POLD4: variants seen among roughly 807,000 people sequenced by gnomAD.
POLD4 encodes DNA polymerase delta 4, accessory subunit.
POLD4 carries 9 observed loss-of-function variants against 16.5 expected under a neutral mutation model. The observed-to-expected ratio is 0.55, with a 90% CI of 0.33 to 0.95. The LOEUF (loss-of-function observed/expected upper bound fraction) is 0.95, where lower values mean the gene tolerates loss of function less well. Among genes scored for constraint, POLD4 ranks in the 40% least tolerant of loss-of-function variants. POLD4 has a pLI of 0.03. For synonymous variants in POLD4, 62 were observed against 57.6 expected (o/e 1.08, Z -0.35); for missense variants, 129 against 139.7 (o/e 0.92, Z 0.39).
upstream of POLD4, chr11:67,353,550 G>A (rs2134853260): frequency 7.8e-6 from 5 of 642,280 alleles, no homozygotes; most frequent in East Asian, 1.2e-4. Context: ...GAGAGAGGAA[G>A]TCGCCGGGGT....
intron 1 of POLD4, 37 bp downstream of exon 1, chr11:67,353,266 G>A: frequency 6.3e-7 from 1 of 1,593,250 alleles, no homozygotes; most frequent in East Asian, 2.2e-5. Context: ...AGGCCCCTCC[G>A]TGTCCACTCC....
chr11:67,353,576 TC>T, upstream of POLD4: 1 of 584,354 alleles, frequency 1.7e-6, no homozygotes. Flanking sequence ...GAGGGACGCC[TC>T]CCCCACCCCC....
rs757680383 is a variant in POLD4 at position 67,352,703 on chromosome 11, C to T, written c.287G>A (p.Arg96His). ...QVLKTHPGDPRFQCSLWHLYP... is the reference protein window; with the variant it reads ...QVLKTHPGDPHFQCSLWHLYP... The stretch of plus-strand genomic sequence containing the variant: ...GCCTGTCTCTGACCTGCACTGGAAG[C>T]GGGGGTCTCCGGGGTGGGTCTTCAG... The change falls in exon 3 of 4, where the codon CGC becomes CAC. Residue 96 changes from arginine to histidine, a missense_variant. Arg to His is a conservative substitution (Grantham distance 29). Transcript: ENST00000312419. 7.4e-6 allele frequency: 12 copies of T among 1,612,302 alleles called. No individual in the cohort carries two copies. The Admixed American group carries it at 1.0e-4, about 13-fold the overall frequency.
At position 67,353,022 on chromosome 11, in the gene POLD4, C is replaced by CT. The variant is rs1001544985; in HGVS notation, c.152dup (p.Phe52ValfsTer2). ...GCCCGTACTGCCAGGCCAGGTCAAACTGCCTCAGCAGCTCCAGCTCCGCTT... is the reference window on the plus strand; with the variant it reads ...GCCCGTACTGCCAGGCCAGGTCAAACTTGCCTCAGCAGCTCCAGCTCCGCTT... On this transcript the variant is annotated frameshift_variant, in exon 2 of 4. Transcript: ENST00000312419. LOFTEE classifies it high-confidence loss of function. The CT allele has an allele frequency of 6.3e-7, 1 of 1,589,106 alleles. No homozygotes were observed. Among genetic ancestry groups the CT allele is most frequent in the African/African-American group, 1.3e-5 (1 of 74,284 alleles).
At position 67,353,437 on chromosome 11, in the gene POLD4, G is replaced by C; in HGVS notation, c.-38C>G. The C allele has an allele frequency of 1.3e-6, 2 of 1,579,406 alleles. No homozygotes were observed. The highest frequency in any genetic ancestry group is 8.6e-7 in the Non-Finnish European group (1 of 1,157,830). ...GGCAGGCAGAGAAGGAGGCAACTGCGGGGAAGAGGAGAGACCGGCCAGTGG... is the reference window on the plus strand; with the variant it reads ...GGCAGGCAGAGAAGGAGGCAACTGCCGGGAAGAGGAGAGACCGGCCAGTGG... On this transcript the variant is annotated 5_prime_UTR_variant, in exon 1 of 4. Coordinates refer to ENST00000312419, the MANE Select transcript of POLD4 (RefSeq NM_021173.5).
intron 2 of POLD4, 78 bp downstream of exon 2, chr11:67,352,910 C>T: frequency 2.1e-6 from 3 of 1,421,350 alleles, no homozygotes; most frequent in Non-Finnish European, 1.9e-6. Context: ...CAGAGTCACG[C>T]AAGCGCTTGG....
chr11:67,352,644 G>A, intron 3 of POLD4, 47 bp downstream of exon 3: 1 of 1,461,244 alleles, frequency 6.8e-7, no homozygotes, highest in Non-Finnish European at 9.6e-7. Context: ...GACAGTGCCT[G>A]GAGAAGGCCC....
At position 67,352,032 on chromosome 11, in the gene POLD4, G is replaced by T. The variant is rs1281373352; in HGVS notation, c.300-13C>A. 1.3e-6 allele frequency: 2 copies of T among 1,524,826 alleles called. No individual in the cohort carries two copies. The highest frequency in any genetic ancestry group is 1.2e-5 in the South Asian group (1 of 84,958). The allele number at this position is 1,524,826 out of a possible 1,614,324, so 94.5% of individuals were successfully genotyped here. On this transcript the variant is annotated splice_polypyrimidine_tract_variant and intron_variant, in intron 3 of 3. Coordinates refer to ENST00000312419, the MANE Select transcript of POLD4 (RefSeq NM_021173.5). ...GAGATGCCAGAGACTGTGGAAGATG[G>T]GGTGGGAGGGAGGGATACCCCAGAG...
chr11:67,352,858 G>T, intron 2 of POLD4, 56 bp from the exon 3 acceptor site: 2 of 1,459,406 alleles, frequency 1.4e-6, no homozygotes, highest in African/African-American at 1.4e-5. Context: ...TAGAGTCTGA[G>T]CTGGAGAATG....
rs1412957305 is a variant in POLD4, at chr11:67,353,539, CGA to C, written c.-142_-141del. 3 of 691,414 alleles carry C rather than the reference CGA, an allele frequency of 4.3e-6. No homozygotes were observed. Among genetic ancestry groups the C allele is most frequent in the Non-Finnish European group, 7.1e-6 (3 of 423,846 alleles). 42.8% of individuals were successfully genotyped at this position (691,414 alleles called of 1,614,324 possible). On this transcript the variant is annotated 5_prime_UTR_variant, in exon 1 of 4. Coordinates refer to ENST00000312419, the MANE Select transcript of POLD4 (RefSeq NM_021173.5). ...GGCAGACAAGATGACCCAGACAAACCGAGAGAGGAAGTCGCCGGGGTCCAGGG... is the reference window on the plus strand; with the variant it reads ...GGCAGACAAGATGACCCAGACAAACCGAGAGGAAGTCGCCGGGGTCCAGGG...
intron 3 of POLD4, 55 bp downstream of exon 3, chr11:67,352,636 C>A: frequency 7.3e-7 from 1 of 1,367,674 alleles, no homozygotes; most frequent in Non-Finnish European, 1.0e-6. Flanking sequence ...AGCAGGGTGA[C>A]AGTGCCTGGA....
At chr11:67,352,338 G>A in intron 3 of POLD4, 1 of 338,206 alleles carries the variant, frequency 3.0e-6, no homozygotes. Context: ...GTGAAACCCT[G>A]TCTCTACTAA....
At chr11:67,352,251 T>C in intron 3 of POLD4, 2 of 485,086 alleles carry the variant, frequency 4.1e-6, no homozygotes, top group Non-Finnish European at 7.5e-6. Context: ...GGCTCACGCC[T>C]GTAATCCCAG....
rs1030842873 is a variant in POLD4 at position 67,351,161 on chromosome 11, G to A, written c.*834C>T. ...CCTGCTTTGGATCAAGGTGGCCCCC[G>A]ATGTGGGAAGCCAGAGGTGCTTGCT... is the stretch of plus-strand genomic sequence containing the variant. On this transcript the variant is annotated 3_prime_UTR_variant, in exon 4 of 4. Coordinates refer to ENST00000312419, the MANE Select transcript of POLD4 (RefSeq NM_021173.5). The surrounding 1 kb of genome is among the most constrained non-coding windows in gnomAD (Gnocchi z 4.8). The A allele has an allele frequency of 5.3e-5, 8 of 152,338 alleles. No individual in the cohort carries two copies. Among genetic ancestry groups the A allele is most frequent in the East Asian group, 1.9e-4 (1 of 5,204 alleles). The allele number at this position is 152,338 out of a possible 1,614,324, so 9.4% of individuals were successfully genotyped here.
In POLD4 at chr11:67,352,017, A is replaced by G. The variant is rs757590272; in HGVS notation, c.302T>C (p.Leu101Pro). The G allele has an allele frequency of 1.5e-6, 1 of 664,170 alleles. No individual in the cohort carries two copies. Among genetic ancestry groups the G allele is most frequent in the South Asian group, 1.4e-5 (1 of 69,510 alleles). 41.1% of individuals were successfully genotyped at this position (664,170 alleles called of 1,614,324 possible). A position where few individuals can be genotyped will look rare whatever the true frequency, so the allele number is the denominator to read the frequency against. ...HPGDPRFQCSLWHLYPL is the reference protein window; with the variant it reads ...HPGDPRFQCSPWHLYPL ...GCCTCATAGGGGATAGAGATGCCAG[A>G]GACTGTGGAAGATGGGGTGGGAGGG... Residue 101 changes from leucine (L) to proline (P), a missense_variant and splice_region_variant, in exon 4 of 4, where the codon CTC becomes CCC. Transcript: ENST00000312419.
intron 3 of POLD4, chr11:67,352,435 G>A (rs1255315110): frequency 9.5e-6 from 4 of 419,700 alleles, no homozygotes; most frequent in Non-Finnish European, 1.7e-5. Context: ...GCGTGAACCC[G>A]AGAGGCGGAG....
chr11:67,353,067 G>A lies in POLD4; in HGVS notation c.108C>T (p.Pro36=), dbSNP rs558561584. The A allele has an allele frequency of 2.5e-6, 4 of 1,585,796 alleles. No homozygotes were observed. Among genetic ancestry groups the A allele is most frequent in the African/African-American group, 2.7e-5 (2 of 74,160 alleles). ...GELAPELGEE[P]QPRDEEEAEL... Reference sequence around the variant, plus strand: ...CCGCTTCCTCCTCGTCGCGGGGCTGGGGCTCCTCCCCTGCAATGACAGCTG... The same window carrying A: ...CCGCTTCCTCCTCGTCGCGGGGCTGAGGCTCCTCCCCTGCAATGACAGCTG... Residue 36 remains proline, a synonymous_variant, in exon 2 of 4, where the codon CCC becomes CCT. Coordinates refer to ENST00000312419, the MANE Select transcript of POLD4 (RefSeq NM_021173.5).
rs1489397904 is a variant in POLD4 at position 67,351,198 on chromosome 11, G to A, written c.*797C>T. ...CAGAGGTGCTTGCTGGGAATGTATA[G>A]ATATGTTTGGACTTCATGAGCTATG... On this transcript the variant is annotated 3_prime_UTR_variant, in exon 4 of 4. Transcript: ENST00000312419. The surrounding 1 kb of genome is among the most constrained non-coding windows in gnomAD (Gnocchi z 4.8). The A allele has an allele frequency of 6.6e-6, 1 of 152,290 alleles. No homozygotes were observed. The highest frequency in any genetic ancestry group is 1.5e-5 in the Non-Finnish European group (1 of 68,096). 9.4% of individuals were successfully genotyped at this position (152,290 alleles called of 1,614,324 possible).
upstream of POLD4, chr11:67,353,572 C>T (rs1861927617): frequency 1.7e-6 from 1 of 591,638 alleles, no homozygotes. Context: ...CAGGGAGGGA[C>T]GCCTCCCCCA....
Sources: gnomAD v4.1 joint callset for allele counts on GRCh38, gnomAD v4.1.1 for gene constraint, Gnocchi (gnomAD v3.1) non-coding constraint, MANE v1.5 for transcripts, NCBI Gene and HGNC (gene_info 2026-07-23, HGNC 2026-07-21) for gene names.